The following CNTN4 variants were observed in gnomAD, a reference collection of about 807,000 sequenced individuals.
CNTN4 encodes the protein contactin-4.
A neutral mutation model predicts 122.5 loss-of-function variants in CNTN4; 77 were observed. The observed-to-expected ratio is 0.63, with a 90% confidence interval of 0.52 to 0.76. The LOEUF is 0.76. Ranked by LOEUF, CNTN4 falls within the 30% of genes least tolerant of loss-of-function variation. CNTN4 has a pLI of 0.00. For synonymous variants in CNTN4, 512 were observed against 447.0 expected, an observed-to-expected ratio of 1.15 and a Z score of -1.83; for missense variants, 1,256 against 1,259.1, an observed-to-expected ratio of 1.00 and a Z score of 0.04.
At position 2,575,066 on chromosome 3, in the gene CNTN4, A is replaced by G. The variant is rs1169578085; in HGVS notation, c.55+3508A>G. Among the ~76,000 whole-genome samples the G allele has an allele frequency of 2.0e-5, 3 of 152,096 alleles. No homozygotes were observed. In the East Asian group the frequency reaches 5.8e-4, roughly 29 times the overall value. On this transcript the variant is annotated intron_variant, in intron 4 of 24. Coordinates refer to ENST00000418658, the MANE Select transcript of CNTN4 (RefSeq NM_175607.3). ...ATTTTAAAATAGGTAGAAGAGAAGA[A>G]GTCTAATATTTCTACCATAAAGATA...
At chr3:2,729,201 G>A (rs889028155) in intron 4 of CNTN4, among the ~76,000 whole-genome samples, 1 of 152,180 alleles carries the variant, frequency 6.6e-6, no homozygotes, top group Admixed American at 6.5e-5. Flanking sequence ...CGGAGTAGCC[G>A]CAGAGTGATC....
At chr3:3,019,422 G>A (rs940097093) in intron 14 of CNTN4, among the ~76,000 whole-genome samples, 4 of 151,758 alleles carry the variant, frequency 2.6e-5, no homozygotes, top group South Asian at 2.1e-4. Context: ...TCAGCCTCCC[G>A]AGTAGCTGGG....
chr3:2,879,872 TA>T (rs908347998), intron 8 of CNTN4, among the ~76,000 whole-genome samples: 6 of 152,158 alleles, frequency 3.9e-5, no homozygotes, highest in Non-Finnish European at 5.9e-5. Context: ...ACTTGTTTTT[TA>T]AAAAAAATTA....
At chr3:2,179,696 A>G (rs749342484) in intron 2 of CNTN4, among the ~76,000 whole-genome samples, 169 of 151,932 alleles carry the variant, frequency 1.1e-3, no homozygotes, top group Non-Finnish European at 1.9e-3. Context: ...GTTTAGTGAG[A>G]TGATCTACAG....
chr3:2,784,629 A>C (rs2091738861), intron 6 of CNTN4, among the ~76,000 whole-genome samples: 2 of 152,144 alleles, frequency 1.3e-5, no homozygotes, highest in African/African-American at 4.8e-5. Context: ...GCTGGAAGTT[A>C]AGTTAAATAA....
intron 14 of CNTN4, among the ~76,000 whole-genome samples, chr3:3,011,931 AATG>A (rs1440807334): frequency 3.3e-5 from 5 of 151,350 alleles, no homozygotes; most frequent in Admixed American, 3.3e-4. Flanking sequence ...TGAGGATGGT[AATG>A]ATATCTTTAT....
At chr3:2,631,831 C>G (rs1427629858) in intron 4 of CNTN4, among the ~76,000 whole-genome samples, 1 of 141,142 alleles carries the variant, frequency 7.1e-6, no homozygotes, top group Non-Finnish European at 1.5e-5. Flanking sequence ...GAGTTCAAGA[C>G]CAGCTTGGGC....
chr3:2,127,344 G>A lies in CNTN4; in HGVS notation c.-145+26705G>A, dbSNP rs536607932. On this transcript the variant is annotated intron_variant, in intron 2 of 24. Coordinates refer to ENST00000418658, the MANE Select transcript of CNTN4 (RefSeq NM_175607.3). ...CATCCTTCACAGCCTAGTGGGTGCC[G>A]CTCCTCCCTTTTATTCAATTTTTTA... is the stretch of plus-strand genomic sequence containing the variant. Among the ~76,000 whole-genome samples the A allele has an allele frequency of 7.9e-5, 12 of 152,094 alleles. No homozygotes were observed. In the South Asian group the frequency reaches 1.9e-3, roughly 24 times the overall value.
At chr3:2,597,384 T>C (rs17564482) in intron 4 of CNTN4, among the ~76,000 whole-genome samples, 22,015 of 152,194 alleles carry the variant, frequency 0.14, 2,020 homozygotes, top group Non-Finnish European at 0.21. Context: ...TTTTATGAAG[T>C]ATTAGGAGCT....
chr3:2,946,642 C>G (rs767855494), intron 13 of CNTN4, among the ~76,000 whole-genome samples: 1 of 151,430 alleles, frequency 6.6e-6, no homozygotes, highest in Non-Finnish European at 1.5e-5. Context: ...CCCTATAATC[C>G]AGACTTCGGA....
chr3:2,966,410 A>C (rs1692313565), intron 13 of CNTN4, among the ~76,000 whole-genome samples: 1 of 152,162 alleles, frequency 6.6e-6, no homozygotes, highest in Admixed American at 6.5e-5. Context: ...GTTCTCACCC[A>C]CATGTAGAAG....
chr3:2,678,330 A>G (rs2084982174), intron 4 of CNTN4, among the ~76,000 whole-genome samples: 1 of 152,142 alleles, frequency 6.6e-6, no homozygotes, highest in Non-Finnish European at 1.5e-5. Flanking sequence ...ATCCTTGGTC[A>G]TGTTTATATT....
Position 2,441,753 on chromosome 3 carries a change from A to G in CNTN4, c.-89+102520A>G, listed in dbSNP as rs138670911. Among the ~76,000 whole-genome samples, 106 of 152,254 alleles carry G rather than the reference A, an allele frequency of 7.0e-4. 2 individuals carry two copies. In the East Asian group the frequency reaches 0.019, roughly 28 times the overall value. ...CCAGATTTTCATCATATTTTACCCA[A>G]GGACACTGGCAACGTGAGGAGGCAG... On this transcript the variant is annotated intron_variant, in intron 3 of 24. Coordinates refer to ENST00000418658, the MANE Select transcript of CNTN4 (RefSeq NM_175607.3).
chr3:2,766,590 G>T (rs542211868), intron 6 of CNTN4, among the ~76,000 whole-genome samples: 1 of 152,096 alleles, frequency 6.6e-6, no homozygotes, highest in African/African-American at 2.4e-5. Flanking sequence ...TTTGGGACGC[G>T]GCGGGGAAAG....
intron 4 of CNTN4, among the ~76,000 whole-genome samples, chr3:2,642,617 T>C (rs1475947477): frequency 6.6e-6 from 1 of 152,220 alleles, no homozygotes; most frequent in African/African-American, 2.4e-5. Flanking sequence ...GGTATATGTA[T>C]ACATTCTTGT....
chr3:2,819,860 AT>A (rs1335703378), intron 7 of CNTN4, among the ~76,000 whole-genome samples: 6 of 152,210 alleles, frequency 3.9e-5, no homozygotes, highest in Non-Finnish European at 7.3e-5. Flanking sequence ...AAGCAGTGTA[AT>A]TAAAACGACT....
chr3:2,489,344 G>T (rs1369276192), intron 3 of CNTN4, among the ~76,000 whole-genome samples: 1 of 152,166 alleles, frequency 6.6e-6, no homozygotes, highest in Admixed American at 6.5e-5. Flanking sequence ...CAATGTAGTA[G>T]CTTCGTTCAC....
At chr3:2,922,416 G>A (rs928365245) in intron 12 of CNTN4, among the ~76,000 whole-genome samples, 2 of 152,052 alleles carry the variant, frequency 1.3e-5, no homozygotes, top group African/African-American at 4.8e-5. Context: ...AGCATCTCTG[G>A]TGCAAAAGAT....
At chr3:3,028,554 A>G (rs1460731820) in intron 15 of CNTN4, among the ~76,000 whole-genome samples, 2 of 152,190 alleles carry the variant, frequency 1.3e-5, no homozygotes, top group African/African-American at 4.8e-5. Context: ...AGTTTCTTTG[A>G]CATTTAAGCC....
Sources: gnomAD v4.1 joint callset for allele counts (sites outside exome capture counted in the v4.1 genomes callset) on GRCh38, gnomAD v4.1.1 for gene constraint, MANE v1.5 for transcripts, NCBI Gene and HGNC (gene_info 2026-07-23, HGNC 2026-07-21) for gene names.